The following TLCD3B variants were observed in gnomAD, a reference collection of about 807,000 sequenced individuals.
The protein encoded by TLCD3B is TLC domain containing 3B, also known as ceramide synthase.
TLCD3B carries 9 observed loss-of-function variants against 23.0 expected under a neutral mutation model. The observed-to-expected ratio is 0.39, with a 90% CI of 0.24 to 0.68. TLCD3B has a LOEUF of 0.68. TLCD3B is among the 30% of genes least tolerant of loss of function. TLCD3B has a pLI of 0.44. For synonymous variants in TLCD3B, 161 were observed against 161.0 expected, an observed-to-expected ratio of 1.00 and a Z score of 0.00; for missense variants, 307 against 371.8, an observed-to-expected ratio of 0.83 and a Z score of 1.43.
At chr16:30,048,561 G>A (rs1007843687) in intron 1 of TLCD3B, among the ~76,000 whole-genome samples, 11 of 152,044 alleles carry the variant, frequency 7.2e-5, no homozygotes, top group African/African-American at 2.7e-4. Flanking sequence ...ACTTGTCCAG[G>A]GTTGCACAGA....
intron 1 of TLCD3B, chr16:30,046,714 GC>G (rs2071680715): frequency 6.6e-6 from 1 of 152,168 alleles, no homozygotes; most frequent in Non-Finnish European, 1.5e-5. Flanking sequence ...TGTGACCTTG[GC>G]CAAATTTCAC....
chr16:30,048,498 G>C (rs933371969), intron 1 of TLCD3B, among the ~76,000 whole-genome samples: 1 of 152,112 alleles, frequency 6.6e-6, no homozygotes, highest in East Asian at 1.9e-4. Flanking sequence ...CAGTCCCTGA[G>C]GGTTATCCCC....
chr16:30,028,019 C>T (rs1047909655), intron 2 of TLCD3B, among the ~76,000 whole-genome samples: 1 of 152,168 alleles, frequency 6.6e-6, no homozygotes, highest in Non-Finnish European at 1.5e-5. Context: ...GAGACTGGTG[C>T]AGTGGTGTGG....
At chr16:30,036,150 C>T, upstream of TLCD3B, 1 of 1,284,514 alleles carries the variant, frequency 7.8e-7, no homozygotes, top group Admixed American at 2.4e-5. Context: ...CTCCCCAGTC[C>T]TCACCTCAGA....
chr16:30,043,636 A>C (rs924920143), intron 2 of TLCD3B, among the ~76,000 whole-genome samples: 7 of 152,126 alleles, frequency 4.6e-5, no homozygotes, highest in Non-Finnish European at 1.0e-4. Flanking sequence ...ATTTGAACCA[A>C]GTAATCTGAT....
chr16:30,043,598 A>T (rs144833576), intron 2 of TLCD3B, among the ~76,000 whole-genome samples: 81 of 150,522 alleles, frequency 5.4e-4, no homozygotes, highest in African/African-American at 2.0e-3. Flanking sequence ...GCTCAAGGTC[A>T]TGCAGGTAGA....
intron 1 of TLCD3B, among the ~76,000 whole-genome samples, chr16:30,047,446 T>A (rs2071691069): frequency 6.6e-6 from 1 of 152,130 alleles, no homozygotes; most frequent in Non-Finnish European, 1.5e-5. Context: ...CTCAGCTTCC[T>A]GAGTATCTGG....
At position 30,025,204 on chromosome 16, in the gene TLCD3B, C is replaced by G; in HGVS notation, c.804G>C (p.Pro268=). The G allele has an allele frequency of 1.3e-6, 2 of 1,485,108 alleles. No individual in the cohort carries two copies. The highest frequency in any genetic ancestry group is 1.4e-5 in the South Asian group (1 of 73,198). The allele number at this position is 1,485,108 out of a possible 1,614,324, so 92.0% of individuals were successfully genotyped here. ...GGCCTCAGTCCTGGGCCTGGCAGGC[C>G]GGGGGCGGCCGGGAGCGGGGCCAGA... ...RLFWPRSRPP[P]ACQAQD Residue 268 remains proline, a synonymous_variant, in exon 5 of 5, where the codon CCG becomes CCC. Coordinates refer to ENST00000380495, the MANE Select transcript of TLCD3B (RefSeq NM_031478.6). The surrounding 1 kb of genome is among the most constrained non-coding windows in gnomAD (Gnocchi z 4.1).
intron 3 of TLCD3B, chr16:30,036,403 C>G: frequency 3.1e-6 from 4 of 1,284,768 alleles, no homozygotes; most frequent in Non-Finnish European, 4.1e-6. Flanking sequence ...ACCTCCCCTC[C>G]CATCTACTCT....
At chr16:30,038,392 C>T (rs932875051) in intron 3 of TLCD3B, among the ~76,000 whole-genome samples, 1 of 152,146 alleles carries the variant, frequency 6.6e-6, no homozygotes, top group Non-Finnish European at 1.5e-5. Flanking sequence ...GTTGAGGCTG[C>T]AGTGAGCTTT....
At chr16:30,026,883 A>C in intron 2 of TLCD3B, 40 bp from the exon 3 acceptor site, 2 of 1,546,054 alleles carry the variant, frequency 1.3e-6, no homozygotes, top group Non-Finnish European at 1.8e-6. Context: ...CAAGGAGGAA[A>C]GGGGACACCA....
Position 30,025,473 on chromosome 16 carries a change from G to A in TLCD3B, c.541-6C>T. ...AGTGTGTGCTGCTGCTTGTACTGAG[G>A]AGACACAGACACAGTGGCCACGGCA... On this transcript the variant is annotated splice_region_variant and splice_polypyrimidine_tract_variant and intron_variant, in intron 4 of 4. Coordinates refer to ENST00000380495, the MANE Select transcript of TLCD3B (RefSeq NM_031478.6). This position sits in a 1 kb window ranked among gnomAD's most constrained non-coding sequence, Gnocchi z 4.1. 6 of 1,611,468 alleles carry A rather than the reference G, an allele frequency of 3.7e-6. No homozygotes were observed. The South Asian group carries it at 6.6e-5, about 18-fold the overall frequency.
intron 2 of TLCD3B, among the ~76,000 whole-genome samples, chr16:30,041,490 C>T (rs1188837965): frequency 6.6e-6 from 1 of 152,064 alleles, no homozygotes; most frequent in Non-Finnish European, 1.5e-5. Context: ...GGTCTGAACT[C>T]CTGACCTCAA....
chr16:30,044,225 G>A (rs909985361), intron 2 of TLCD3B, among the ~76,000 whole-genome samples: 3 of 151,782 alleles, frequency 2.0e-5, no homozygotes, highest in South Asian at 4.2e-4. Flanking sequence ...TCAAACTCCC[G>A]ACTTCAAGTG....
chr16:30,045,092 CAAA>C (rs1162281544), intron 2 of TLCD3B, among the ~76,000 whole-genome samples: 2 of 22,226 alleles, frequency 9.0e-5, no homozygotes, highest in Non-Finnish European at 7.4e-5. Flanking sequence ...GACTCCATCT[CAAA>C]AAAAAAAAAA....
intron 2 of TLCD3B, among the ~76,000 whole-genome samples, chr16:30,042,449 C>T (rs956059844): frequency 2.0e-5 from 3 of 152,072 alleles, no homozygotes; most frequent in Non-Finnish European, 4.4e-5. Flanking sequence ...GTCTCAAACT[C>T]CTGACCTCAA....
Position 30,030,576 on chromosome 16 carries a change from G to A in TLCD3B, c.-49C>T. The A allele has an allele frequency of 1.3e-6, 2 of 1,522,772 alleles. No individual in the cohort carries two copies. Among genetic ancestry groups the A allele is most frequent in the South Asian group, 1.3e-5 (1 of 78,938 alleles). 94.3% of individuals were successfully genotyped at this position (1,522,772 alleles called of 1,614,324 possible). On this transcript the variant is annotated 5_prime_UTR_variant, in exon 1 of 5. Transcript: ENST00000380495. Reference sequence around the variant, plus strand: ...AGGCAGGCGGGCCGTGAAGGGGCAGGGAGGCCGAGTGGAAGGAGTTAGGGG... The same window carrying A: ...AGGCAGGCGGGCCGTGAAGGGGCAGAGAGGCCGAGTGGAAGGAGTTAGGGG...
intron 3 of TLCD3B, among the ~76,000 whole-genome samples, chr16:30,040,029 G>A (rs1344487425): frequency 2.0e-5 from 3 of 151,148 alleles, no homozygotes; most frequent in Admixed American, 6.6e-5. Flanking sequence ...AATCACTCAG[G>A]AGGCTGAGGC....
chr16:30,051,400 G>A (rs956190621), intron 1 of TLCD3B, among the ~76,000 whole-genome samples: 1 of 151,594 alleles, frequency 6.6e-6, no homozygotes, highest in African/African-American at 2.4e-5. Context: ...GGGCATGGTG[G>A]CACTTCCAGC....
Sources: gnomAD v4.1 joint callset for allele counts (sites outside exome capture counted in the v4.1 genomes callset) on GRCh38, gnomAD v4.1.1 for gene constraint, Gnocchi (gnomAD v3.1) non-coding constraint, MANE v1.5 for transcripts, NCBI Gene and HGNC (gene_info 2026-07-23, HGNC 2026-07-21) for gene names.